Variants in ARL15 observed in about 807,000 individuals in gnomAD.
The protein encoded by ARL15 is ADP-ribosylation factor-like protein 15.
A neutral mutation model predicts 25.2 loss-of-function variants in ARL15; 19 were observed. That is an observed-to-expected ratio of 0.75 (90% CI 0.53 to 1.10). The LOEUF is 1.10. ARL15 is among the 50% of genes least tolerant of loss of function. The pLI, the probability that ARL15 is intolerant of heterozygous loss-of-function variation, is 0.00. For synonymous variants in ARL15, 94 were observed against 86.8 expected (o/e 1.08, Z -0.46); for missense variants, 220 against 246.0 (o/e 0.89, Z 0.71).
chr5:53,955,981 A>T (rs1747136129), intron 4 of ARL15, among the ~76,000 whole-genome samples: 1 of 152,156 alleles, frequency 6.6e-6, no homozygotes, highest in African/African-American at 2.4e-5. Flanking sequence ...GAAAAGCTGG[A>T]GAGAGTTGTT....
chr5:54,018,054 G>A (rs1033317494), intron 4 of ARL15, among the ~76,000 whole-genome samples: 2 of 152,098 alleles, frequency 1.3e-5, no homozygotes, highest in Non-Finnish European at 2.9e-5. Flanking sequence ...CACTAGGCTT[G>A]TTGCCTAGTG....
chr5:54,294,993 C>T (rs1306022793), intron 1 of ARL15, among the ~76,000 whole-genome samples: 2 of 152,216 alleles, frequency 1.3e-5, no homozygotes, highest in Non-Finnish European at 2.9e-5. Context: ...GTTTAATAAT[C>T]ACTCACTTTT....
At chr5:54,234,234 G>A (rs1180655398) in intron 1 of ARL15, among the ~76,000 whole-genome samples, 5 of 151,802 alleles carry the variant, frequency 3.3e-5, no homozygotes, top group Non-Finnish European at 5.9e-5. Flanking sequence ...CAGGTGATCC[G>A]CCCGTTTCAG....
chr5:54,018,247 T>C (rs1438443353), intron 4 of ARL15, among the ~76,000 whole-genome samples: 2 of 152,168 alleles, frequency 1.3e-5, no homozygotes, highest in African/African-American at 4.8e-5. Context: ...GTTTAGTGGA[T>C]TGATTTATAA....
intron 1 of ARL15, among the ~76,000 whole-genome samples, chr5:54,203,605 G>C (rs1755779786): frequency 6.6e-6 from 1 of 151,856 alleles, no homozygotes; most frequent in Admixed American, 6.6e-5. Flanking sequence ...TTATATTTTG[G>C]GAGATCTCCA....
intron 4 of ARL15, among the ~76,000 whole-genome samples, chr5:53,914,518 C>G (rs1177625963): frequency 6.6e-6 from 1 of 152,134 alleles, no homozygotes; most frequent in South Asian, 2.1e-4. Context: ...TTGACTGCTC[C>G]CTCAACCCAA....
At chr5:54,043,300 A>C (rs945183339) in intron 4 of ARL15, among the ~76,000 whole-genome samples, 1 of 151,790 alleles carries the variant, frequency 6.6e-6, no homozygotes, top group East Asian at 1.9e-4. Flanking sequence ...GGTATGCCTT[A>C]TTTATATTTT....
At chr5:54,219,758 TTTCCAAAAATCACAC>T (rs761706733) in intron 1 of ARL15, among the ~76,000 whole-genome samples, 2 of 152,230 alleles carry the variant, frequency 1.3e-5, no homozygotes, top group African/African-American at 2.4e-5. Context: ...TTTTTAAGAA[TTTCCAAAAATCACAC>T]TTCCAAAAAT....
chr5:54,224,719 T>C (rs1756471972), intron 1 of ARL15, among the ~76,000 whole-genome samples: 1 of 152,158 alleles, frequency 6.6e-6, no homozygotes, highest in Non-Finnish European at 1.5e-5. Flanking sequence ...ATATTCATTT[T>C]TTTACTTTAT....
intron 4 of ARL15, among the ~76,000 whole-genome samples, chr5:54,020,808 A>G (rs1005251911): frequency 6.6e-6 from 1 of 150,510 alleles, no homozygotes; most frequent in African/African-American, 2.4e-5. Flanking sequence ...AAAAAAAATT[A>G]GCTGGCTGTG....
intron 1 of ARL15, among the ~76,000 whole-genome samples, chr5:54,221,890 G>A (rs1756388540): frequency 6.6e-6 from 1 of 151,712 alleles, no homozygotes; most frequent in Non-Finnish European, 1.5e-5. Flanking sequence ...ATGCACATGT[G>A]TGCATGCACA....
chr5:54,013,255 C>T (rs1395322199), intron 4 of ARL15, among the ~76,000 whole-genome samples: 1 of 152,184 alleles, frequency 6.6e-6, no homozygotes, highest in Non-Finnish European at 1.5e-5. Flanking sequence ...TTAAGCATCC[C>T]TAGTCAGAAA....
intron 1 of ARL15, among the ~76,000 whole-genome samples, chr5:54,222,347 C>A (rs1273903740): frequency 1.3e-5 from 2 of 152,116 alleles, no homozygotes; most frequent in Non-Finnish European, 2.9e-5. Flanking sequence ...ACCTTCAAAG[C>A]TAAGATTCTA....
At chr5:54,198,061 T>C (rs565547785) in intron 1 of ARL15, among the ~76,000 whole-genome samples, 41 of 152,166 alleles carry the variant, frequency 2.7e-4, no homozygotes, top group African/African-American at 8.7e-4. Flanking sequence ...ATTATCTCAA[T>C]AGATGCAGAA....
At chr5:54,050,640 G>T (rs961359090) in intron 4 of ARL15, among the ~76,000 whole-genome samples, 4 of 152,154 alleles carry the variant, frequency 2.6e-5, no homozygotes, top group Non-Finnish European at 5.9e-5. Context: ...ATCAGTACAT[G>T]CTAAGTGAAT....
chr5:54,201,602 C>G (rs567838881), intron 1 of ARL15, among the ~76,000 whole-genome samples: 1 of 152,088 alleles, frequency 6.6e-6, no homozygotes, highest in Non-Finnish European at 1.5e-5. Context: ...CCCCTTACCC[C>G]TTATGCTTCT....
intron 4 of ARL15, among the ~76,000 whole-genome samples, chr5:54,096,536 G>T (rs1752291756): frequency 6.6e-6 from 1 of 152,050 alleles, no homozygotes; most frequent in Non-Finnish European, 1.5e-5. Flanking sequence ...TCAGCCTCCT[G>T]AGTAGCTGGA....
At chr5:54,134,568 CTTTTTTTTTTTTTTTTTTTT>C (rs5867914) in intron 3 of ARL15, among the ~76,000 whole-genome samples, 4 of 51,772 alleles carry the variant, frequency 7.7e-5, no homozygotes, top group African/African-American at 3.3e-4. Context: ...GAATGATTAG[CTTTTTTTTTTTTTTTTTTTT>C]TTTTTTTTTT....
At chr5:54,281,854 C>T (rs1261563644) in intron 1 of ARL15, among the ~76,000 whole-genome samples, 1 of 152,214 alleles carries the variant, frequency 6.6e-6, no homozygotes, top group Non-Finnish European at 1.5e-5. Context: ...TTGTGAGATA[C>T]ATCCACGGTG....
Sources: allele counts gnomAD v4.1 joint callset (sites outside exome capture counted in the v4.1 genomes callset), GRCh38; gene constraint gnomAD v4.1.1; transcripts MANE v1.5; gene names NCBI Gene and HGNC (gene_info 2026-07-23, HGNC 2026-07-21).